Variants in HPSE2 observed in about 807,000 individuals in gnomAD.
HPSE2 encodes the protein inactive heparanase-2.
A neutral mutation model predicts 60.5 loss-of-function variants in HPSE2; 38 were observed. The observed-to-expected ratio is 0.63, with a 90% CI of 0.48 to 0.82. The LOEUF is 0.82. Among genes scored for constraint, HPSE2 ranks in the 40% least tolerant of loss-of-function variants. HPSE2 has a pLI of 0.00. For missense variants in HPSE2, 713 were observed against 740.4 expected, an observed-to-expected ratio of 0.96 and a Z score of 0.43; for synonymous variants, 295 against 293.2, an observed-to-expected ratio of 1.01 and a Z score of -0.06.
intron 9 of HPSE2, among the ~76,000 whole-genome samples, chr10:98,550,985 T>C (rs987869089): frequency 2.6e-5 from 4 of 152,024 alleles, no homozygotes; most frequent in African/African-American, 4.8e-5. Context: ...TATTCACTGA[T>C]GAACAAAAGA....
intron 9 of HPSE2, among the ~76,000 whole-genome samples, chr10:98,557,888 G>A (rs1489082218): frequency 6.6e-6 from 1 of 152,180 alleles, no homozygotes; most frequent in East Asian, 1.9e-4. Flanking sequence ...GGCGGAGGTT[G>A]CAGTGAGCCG....
the HPSE2 span, among the ~76,000 whole-genome samples, chr10:99,247,083 C>A: frequency 6.6e-6 from 1 of 152,172 alleles, no homozygotes; most frequent in Non-Finnish European, 1.5e-5. Flanking sequence ...ATCTTTCTTA[C>A]AAGATTTCAT....
intron 3 of HPSE2, among the ~76,000 whole-genome samples, chr10:98,906,820 C>T (rs1037389478): frequency 1.3e-5 from 2 of 151,544 alleles, no homozygotes; most frequent in African/African-American, 2.4e-5. Context: ...AGGAGAATCA[C>T]GTGAACCTGG....
intron 3 of HPSE2, among the ~76,000 whole-genome samples, chr10:99,033,332 A>G (rs1957539773): frequency 6.6e-6 from 1 of 152,162 alleles, no homozygotes; most frequent in South Asian, 2.1e-4. Context: ...GCAAAATATG[A>G]TTTCTAAGTT....
At chr10:98,887,904 A>G (rs866717208) in intron 3 of HPSE2, among the ~76,000 whole-genome samples, 6 of 134,374 alleles carry the variant, frequency 4.5e-5, no homozygotes, top group Non-Finnish European at 7.8e-5. Context: ...TGTATACAGT[A>G]CCCTAAAACT....
intron 2 of HPSE2, among the ~76,000 whole-genome samples, chr10:99,206,749 T>C (rs1848763154): frequency 6.6e-6 from 1 of 151,676 alleles, no homozygotes; most frequent in South Asian, 2.1e-4. Flanking sequence ...TTCTGGAGCT[T>C]AAAAAATACA....
intron 3 of HPSE2, among the ~76,000 whole-genome samples, chr10:98,765,653 G>A (rs749361662): frequency 2.8e-4 from 43 of 151,826 alleles, no homozygotes; most frequent in Middle Eastern, 3.4e-3. Context: ...GCCTGGCCAA[G>A]ATGCTGAAAC....
chr10:99,028,007 A>T (rs1175031884), intron 3 of HPSE2, among the ~76,000 whole-genome samples: 4 of 152,204 alleles, frequency 2.6e-5, no homozygotes, highest in Non-Finnish European at 5.9e-5. Flanking sequence ...ACCTCAATGT[A>T]ATAAAAGCCA....
rs1025866924 is a variant in HPSE2, at chr10:98,842,765, T to C, written c.611-98709A>G. Among the ~76,000 whole-genome samples, 9 of 152,286 alleles carry C rather than the reference T, an allele frequency of 5.9e-5. No individual in the cohort carries two copies. The East Asian group carries it at 7.7e-4, about 13-fold the overall frequency. ...TCTTCGTGTAGTACATTCTGTAAGT[T>C]TGGAAAACTGTATAATGACATGCAT... On this transcript the variant is annotated intron_variant, in intron 3 of 11. Coordinates refer to ENST00000370552, the MANE Select transcript of HPSE2 (RefSeq NM_021828.5).
intron 3 of HPSE2, among the ~76,000 whole-genome samples, chr10:98,924,944 T>C (rs1216815033): frequency 6.6e-6 from 1 of 152,176 alleles, no homozygotes; most frequent in African/African-American, 2.4e-5. Context: ...GATGCTCCCA[T>C]TGTGCACAGG....
chr10:98,842,812 GA>G (rs142348878), intron 3 of HPSE2, among the ~76,000 whole-genome samples: 2,191 of 152,148 alleles, frequency 0.014, 59 homozygotes, highest in African/African-American at 0.049. Flanking sequence ...ATCTAATATA[GA>G]ATATTTCCTC....
At chr10:98,519,919 A>G (rs1942730929) in intron 9 of HPSE2, among the ~76,000 whole-genome samples, 1 of 152,226 alleles carries the variant, frequency 6.6e-6, no homozygotes. Flanking sequence ...ACTGTATCTG[A>G]GTAGCAGCAA....
At chr10:98,814,341 G>A (rs1485831263) in intron 3 of HPSE2, among the ~76,000 whole-genome samples, 9 of 152,100 alleles carry the variant, frequency 5.9e-5, no homozygotes, top group Non-Finnish European at 7.4e-5. Context: ...AGTCCTGCCA[G>A]TATTTTTGTA....
rs1020826545 is a variant in HPSE2 at position 99,005,364 on chromosome 10, G to A, written c.610+138874C>T. Among the ~76,000 whole-genome samples the A allele has an allele frequency of 5.9e-5, 9 of 151,292 alleles. No homozygotes were observed. The East Asian group carries it at 7.8e-4, about 13-fold the overall frequency. On this transcript the variant is annotated intron_variant, in intron 3 of 11. Transcript: ENST00000370552. ...CTTTTCTTTTTAATTTTTATCATTC[G>A]ACTACATATTTTCAAATAATCTGTC...
the HPSE2 span, among the ~76,000 whole-genome samples, chr10:99,304,478 G>A: frequency 6.6e-6 from 1 of 152,172 alleles, no homozygotes; most frequent in African/African-American, 2.4e-5. Context: ...TTCTACCTCT[G>A]GCTTGCCCTT....
At chr10:98,755,567 T>C (rs1318991925) in intron 3 of HPSE2, among the ~76,000 whole-genome samples, 2 of 152,246 alleles carry the variant, frequency 1.3e-5, no homozygotes, top group Admixed American at 6.5e-5. Context: ...GGAATATACA[T>C]TCTTCTCATT....
Position 99,138,060 on chromosome 10 carries a change from C to G in HPSE2, c.610+6178G>C, listed in dbSNP as rs976430732. Among the ~76,000 whole-genome samples the G allele has an allele frequency of 5.9e-5, 9 of 152,216 alleles. No individual in the cohort carries two copies. The South Asian group carries it at 1.9e-3, about 32-fold the overall frequency. ...AAATTTACAAGAAAAAACAAACAAC[C>G]CCATCAAAAAGTAGGCAAAGAATAT... On this transcript the variant is annotated intron_variant, in intron 3 of 11. Transcript: ENST00000370552.
chr10:98,609,938 T>C (rs76975301), intron 9 of HPSE2, among the ~76,000 whole-genome samples: 2 of 150,428 alleles, frequency 1.3e-5, no homozygotes, highest in African/African-American at 2.5e-5. Context: ...ACCTCCAAGA[T>C]TCAAGTGATT....
At chr10:98,752,196 A>G (rs11189799) in intron 3 of HPSE2, among the ~76,000 whole-genome samples, 1 of 152,196 alleles carries the variant, frequency 6.6e-6, no homozygotes, top group African/African-American at 2.4e-5. Context: ...TGAAAAGGAT[A>G]GAAAAATATG....
Sources: allele counts gnomAD v4.1 joint callset (sites outside exome capture counted in the v4.1 genomes callset), GRCh38; gene constraint gnomAD v4.1.1; transcripts MANE v1.5; gene names NCBI Gene and HGNC (gene_info 2026-07-23, HGNC 2026-07-21).